The following TEX10 variants were observed in gnomAD, a reference collection of about 807,000 sequenced individuals.
TEX10 encodes testis-expressed protein 10.
TEX10 carries 24 observed loss-of-function variants against 104.4 expected under a neutral mutation model. The observed-to-expected ratio is 0.23, with a 90% CI of 0.17 to 0.32. TEX10 has a LOEUF of 0.32. Among genes scored for constraint, TEX10 ranks in the 10% least tolerant of loss-of-function variants. The pLI is 1.00. For missense variants in TEX10, 921 were observed against 1,083.9 expected (o/e 0.85, Z 2.11); for synonymous variants, 396 against 393.4 (o/e 1.01, Z -0.08).
intron 5 of TEX10, among the ~76,000 whole-genome samples, chr9:100,332,464 G>A (rs1182761728): frequency 1.3e-5 from 2 of 152,164 alleles, no homozygotes; most frequent in Non-Finnish European, 2.9e-5. Flanking sequence ...AACAATTCTA[G>A]GAGGAAGGCA....
rs1460744391 is a variant in TEX10, at chr9:100,352,812, A to G, written c.-50T>C. 1 of 1,051,672 alleles carries G rather than the reference A, an allele frequency of 9.5e-7. No homozygotes were observed. The highest frequency in any genetic ancestry group is 1.7e-5 in the African/African-American group (1 of 58,808). The allele number at this position is 1,051,672 out of a possible 1,614,324, so 65.1% of individuals were successfully genotyped here. The stretch of plus-strand genomic sequence containing the variant: ...CGGCCGGGGCGAGAAGCCCGAGAAG[A>G]CAAGCGAGGGAGCAGAAGCCCACGG... On this transcript the variant is annotated 5_prime_UTR_variant, in exon 1 of 15. Coordinates refer to ENST00000374902, the MANE Select transcript of TEX10 (RefSeq NM_017746.4).
intron 14 of TEX10, among the ~76,000 whole-genome samples, 189 bp downstream of exon 14, chr9:100,303,443 C>T (rs1040596268): frequency 2.0e-5 from 3 of 148,314 alleles, no homozygotes; most frequent in African/African-American, 4.9e-5. Flanking sequence ...GACACACCCC[C>T]CCCCCCATTA....
chr9:100,328,305 CTT>C (rs1458609074), intron 7 of TEX10, among the ~76,000 whole-genome samples: 1 of 152,128 alleles, frequency 6.6e-6, no homozygotes, highest in African/African-American at 2.4e-5. Context: ...TAGCTTCAAA[CTT>C]GTGCTATTTT....
intron 7 of TEX10, 42 bp from the exon 8 acceptor site, chr9:100,328,004 C>A: frequency 1.4e-6 from 2 of 1,418,814 alleles, no homozygotes; most frequent in Non-Finnish European, 1.9e-6. Context: ...TACTCAAAGA[C>A]AAGGGAAATA....
In TEX10 at chr9:100,320,357, C is replaced by G. The variant is rs1400800454; in HGVS notation, c.2110G>C (p.Gly704Arg). 1 of 1,612,474 alleles carries G rather than the reference C, an allele frequency of 6.2e-7. No individual in the cohort carries two copies. The highest frequency in any genetic ancestry group is 1.7e-5 in the Admixed American group (1 of 59,962). The part of the protein sequence containing the change: ...EELTWLQSLR[G>R]VPHVIQTQLS... ...TGTGTCTGGATGACATGAGGAACTC[C>G]TCGAAGGCTCTGAAGCCAAGTCAAC... is the stretch of plus-strand genomic sequence containing the variant. The change falls in exon 11 of 15, where the codon GGA becomes CGA. Residue 704 changes from glycine to arginine, a missense_variant. Coordinates refer to ENST00000374902, the MANE Select transcript of TEX10 (RefSeq NM_017746.4).
rs899154015 is a variant in TEX10, at chr9:100,303,706, G to A, written c.2602C>T (p.Leu868Phe). Residue 868 changes from leucine (L) to phenylalanine (F), a missense_variant, in exon 14 of 15, where the codon CTT becomes TTT. Leu to Phe is a conservative substitution (Grantham distance 22). Transcript: ENST00000374902. ...TGAGTCCTGAGGGGTGCATGCTGAA[G>A]CAGCAGTCGAAGCAGCTGGCCCACA... ...PVVGQLLRLL[L>F]QHAPLRTHML... 6.2e-7 allele frequency: 1 copy of A among 1,614,154 alleles called. No homozygotes were observed. The highest frequency in any genetic ancestry group is 8.5e-7 in the Non-Finnish European group (1 of 1,180,040).
In TEX10 at chr9:100,303,860, G is replaced by A. The variant is rs1260398745; in HGVS notation, c.2466-18C>T. ...GCTTGTCCCTACAATAACAGAGACAGAAATGAGTCAGTGAGCAAATGCCCA... is the reference window on the plus strand; with the variant it reads ...GCTTGTCCCTACAATAACAGAGACAAAAATGAGTCAGTGAGCAAATGCCCA... On this transcript the variant is annotated intron_variant, in intron 13 of 14. Transcript: ENST00000374902. 6.2e-7 allele frequency: 1 copy of A among 1,612,614 alleles called. No homozygotes were observed. Among genetic ancestry groups the A allele is most frequent in the East Asian group, 2.2e-5 (1 of 44,846 alleles).
At chr9:100,344,483 GT>G (rs2118927805) in intron 4 of TEX10, among the ~76,000 whole-genome samples, 1 of 149,168 alleles carries the variant, frequency 6.7e-6, no homozygotes, top group East Asian at 2.1e-4. Flanking sequence ...AGTAACAAAA[GT>G]TTACTAGTGC....
intron 11 of TEX10, among the ~76,000 whole-genome samples, chr9:100,315,560 T>C (rs1490403340): frequency 3.9e-5 from 6 of 152,216 alleles, no homozygotes; most frequent in Non-Finnish European, 8.8e-5. Flanking sequence ...TGTTTTTGAT[T>C]TGAAGTCTGT....
chr9:100,325,317 T>C (rs1298812321), intron 9 of TEX10, among the ~76,000 whole-genome samples: 4 of 152,206 alleles, frequency 2.6e-5, no homozygotes, highest in African/African-American at 4.8e-5. Context: ...GATATATACA[T>C]GAGGATACTT....
At chr9:100,328,917 C>T (rs1040928701) in intron 7 of TEX10, among the ~76,000 whole-genome samples, 2 of 152,208 alleles carry the variant, frequency 1.3e-5, no homozygotes, top group Non-Finnish European at 2.9e-5. Context: ...GGTAGAAATG[C>T]ATGCCTAAGC....
rs138695808 is a variant in TEX10 at position 100,346,752 on chromosome 9, T to C, written c.835A>G (p.Ile279Val). Residue 279 changes from isoleucine (I) to valine (V), a missense_variant, in exon 3 of 15, where the codon ATC becomes GTC. By Grantham distance (29) the Ile-to-Val change is conservative (BLOSUM62 3). Around this residue, in one of 3 missense-constraint regions of TEX10, gnomAD observed 753 missense variants for 868.4 expected, o/e 0.87. Coordinates refer to ENST00000374902, the MANE Select transcript of TEX10 (RefSeq NM_017746.4). Reference sequence around the variant, plus strand: ...GAACCCCCATTTTCATAAACCTGGATGTGTTGCTGGTCGTTGGCATGTTCC... The same window carrying C: ...GAACCCCCATTTTCATAAACCTGGACGTGTTGCTGGTCGTTGGCATGTTCC... Reference protein sequence around the residue: ...WKEHANDQQHIQVYENGGSQP... With the variant: ...WKEHANDQQHVQVYENGGSQP... 376 of 1,614,168 alleles carry C rather than the reference T, an allele frequency of 2.3e-4. 4 individuals are homozygous for C. Among genetic ancestry groups the C allele is most frequent in the South Asian group, 1.4e-3 (131 of 91,090 alleles).
At chr9:100,329,105 A>T (rs998184104) in intron 7 of TEX10, 35 bp downstream of exon 7, 2 of 1,560,500 alleles carry the variant, frequency 1.3e-6, no homozygotes, top group African/African-American at 1.4e-5. Context: ...AAACTCAGCA[A>T]GAGAAAAAAG....
chr9:100,325,315 C>T (rs531649089), intron 9 of TEX10, among the ~76,000 whole-genome samples: 4 of 152,306 alleles, frequency 2.6e-5, no homozygotes, highest in African/African-American at 9.6e-5. Flanking sequence ...AAGATATATA[C>T]ATGAGGATAC....
At chr9:100,339,130 T>C (rs1261300752) in intron 5 of TEX10, among the ~76,000 whole-genome samples, 1 of 149,650 alleles carries the variant, frequency 6.7e-6, no homozygotes, top group East Asian at 2.0e-4. Flanking sequence ...GGTGAACACT[T>C]GTAATCCCAG....
Position 100,303,699 on chromosome 9 carries a change from T to A in TEX10, c.2609A>T (p.His870Leu), listed in dbSNP as rs1014948954. The change falls in exon 14 of 15, where the codon CAT (histidine) becomes CTT (leucine). Residue 870 changes from histidine (H) to leucine (L), a missense_variant. His to Leu is a moderately conservative substitution (Grantham distance 99). This residue lies in a region of TEX10 where 753 missense variants were observed against 868.4 expected (regional missense o/e 0.87). Coordinates refer to ENST00000374902, the MANE Select transcript of TEX10 (RefSeq NM_017746.4). ...CAACATATGAGTCCTGAGGGGTGCA[T>A]GCTGAAGCAGCAGTCGAAGCAGCTG... ...VGQLLRLLLQHAPLRTHMLTN... is the reference protein window; with the variant it reads ...VGQLLRLLLQLAPLRTHMLTN... The A allele has an allele frequency of 2.5e-6, 4 of 1,614,128 alleles. No homozygotes were observed. In the African/African-American group the frequency reaches 5.3e-5, roughly 22 times the overall value.
At position 100,327,780 on chromosome 9, in the gene TEX10, C is replaced by T. The variant is rs771090936; in HGVS notation, c.1801+7G>A. ...CTACCCATACCATTAAACAAATGAA[C>T]TCTTACCATAAATTCGGAGGGCAGT... On this transcript the variant is annotated splice_region_variant and intron_variant, in intron 8 of 14. Coordinates refer to ENST00000374902, the MANE Select transcript of TEX10 (RefSeq NM_017746.4). 3 of 1,557,556 alleles carry T rather than the reference C, an allele frequency of 1.9e-6. No individual in the cohort carries two copies. The highest frequency in any genetic ancestry group is 2.6e-6 in the Non-Finnish European group (3 of 1,143,280).
chr9:100,352,473 C>G, intron 1 of TEX10: 1 of 1,551,670 alleles, frequency 6.4e-7, no homozygotes, highest in Non-Finnish European at 8.7e-7. Context: ...CGGCCAGGAC[C>G]AGAGTCGGGG....
Position 100,329,242 on chromosome 9 carries a change from G to A in TEX10, c.1523C>T (p.Thr508Ile), listed in dbSNP as rs773884915. The A allele has an allele frequency of 2.5e-6, 4 of 1,608,778 alleles. No individual in the cohort carries two copies. In the Admixed American group the frequency reaches 6.8e-5, roughly 28 times the overall value. ...GATAAGGCCCCTCTGCTGATATAAT[G>A]TATAAACTGCCTTAATAAGAGTCTC... ...DTETLIKAVY[T>I]LYQQRGLILP... Residue 508 changes from threonine (T) to isoleucine (I), a missense_variant, in exon 7 of 15, where the codon ACA (threonine) becomes ATA (isoleucine). This residue lies in a region of TEX10 where 753 missense variants were observed against 868.4 expected (regional missense o/e 0.87). Coordinates refer to ENST00000374902, the MANE Select transcript of TEX10 (RefSeq NM_017746.4).
Sources: gnomAD v4.1 joint callset for allele counts (sites outside exome capture counted in the v4.1 genomes callset) on GRCh38, gnomAD v4.1.1 for gene constraint, gnomAD v4.1.1 regional missense constraint, MANE v1.5 for transcripts, NCBI Gene and HGNC (gene_info 2026-07-23, HGNC 2026-07-21) for gene names.